POU2F1: variants seen among roughly 807,000 people sequenced by gnomAD.
POU2F1 encodes the protein POU class 2 homeobox 1, also known as POU domain, class 2, transcription factor 1.
In POU2F1, 16 loss-of-function variants were observed where a neutral mutation model predicts 84.9. The observed-to-expected ratio is 0.19, with a 90% CI of 0.13 to 0.29. The LOEUF (loss-of-function observed/expected upper bound fraction) is 0.29, where lower values mean the gene tolerates loss of function less well. POU2F1 is among the 10% of genes least tolerant of loss of function. POU2F1 has a pLI of 1.00. For missense variants in POU2F1, 738 were observed against 942.6 expected (o/e 0.78, Z 2.84); for synonymous variants, 368 against 368.3 (o/e 1.00, Z 0.01).
chr1:167,325,229 G>A (rs1656614807), intron 1 of POU2F1, among the ~76,000 whole-genome samples: 3 of 152,180 alleles, frequency 2.0e-5, no homozygotes, highest in Admixed American at 2.0e-4. Context: ...AGAGATGAAG[G>A]TTGGAAAGGA....
At chr1:167,305,409 A>G (rs1654996610) in intron 1 of POU2F1, among the ~76,000 whole-genome samples, 1 of 152,152 alleles carries the variant, frequency 6.6e-6, no homozygotes, top group Non-Finnish European at 1.5e-5. Flanking sequence ...CACGTTGCCC[A>G]GGCTGGTCTT....
chr1:167,292,384 A>G (rs1358160344), intron 1 of POU2F1, among the ~76,000 whole-genome samples: 1 of 151,982 alleles, frequency 6.6e-6, no homozygotes, highest in Non-Finnish European at 1.5e-5. Context: ...TAGTTGTTGA[A>G]CACCAGGTTT....
intron 1 of POU2F1, among the ~76,000 whole-genome samples, chr1:167,327,277 A>G (rs982020265): frequency 1.3e-5 from 2 of 152,194 alleles, no homozygotes; most frequent in Admixed American, 1.3e-4. Flanking sequence ...TTTATCTCAC[A>G]ATAACCTCAT....
intron 1 of POU2F1, among the ~76,000 whole-genome samples, chr1:167,237,886 T>C (rs1255735486): frequency 6.7e-6 from 1 of 149,754 alleles, no homozygotes; most frequent in Non-Finnish European, 1.5e-5. Context: ...TTCAAGCGAT[T>C]CTCCTGCTTC....
chr1:167,282,338 G>T (rs1308631892), intron 1 of POU2F1, among the ~76,000 whole-genome samples: 2 of 151,788 alleles, frequency 1.3e-5, no homozygotes, highest in Admixed American at 1.3e-4. Flanking sequence ...TAGAGATGGG[G>T]TTTCACCGTG....
intron 2 of POU2F1, among the ~76,000 whole-genome samples, chr1:167,351,976 C>T (rs778035942): frequency 6.6e-6 from 1 of 152,050 alleles, no homozygotes; most frequent in African/African-American, 2.4e-5. Context: ...GTCCTCCCAC[C>T]GCAAAAATAG....
At chr1:167,234,865 A>G (rs1218823648) in intron 1 of POU2F1, among the ~76,000 whole-genome samples, 1 of 152,252 alleles carries the variant, frequency 6.6e-6, no homozygotes, top group East Asian at 1.9e-4. Context: ...CCCTGTTTAC[A>G]TGTTATTTTG....
Position 167,295,670 on chromosome 1 carries a change from C to T in POU2F1, c.62-36800C>T, listed in dbSNP as rs149193322. Among the ~76,000 whole-genome samples, 223 of 152,186 alleles carry T rather than the reference C, an allele frequency of 1.5e-3. 1 individual carries two copies. The highest frequency in any genetic ancestry group is 5.2e-3 in the African/African-American group (216 of 41,522). The stretch of plus-strand genomic sequence containing the variant: ...TTGAAATTTTAAAAGACATTTTAGC[C>T]GTTATTTTTGTGGAGCCATGAACAT... On this transcript the variant is annotated intron_variant, in intron 1 of 15. Coordinates refer to ENST00000367866, the MANE Select transcript of POU2F1 (RefSeq NM_002697.4).
chr1:167,299,055 C>G (rs780627397), intron 1 of POU2F1, among the ~76,000 whole-genome samples: 2 of 149,870 alleles, frequency 1.3e-5, no homozygotes, highest in African/African-American at 4.9e-5. Flanking sequence ...CCCAGCTTCT[C>G]GGGAAGCTGA....
intron 1 of POU2F1, among the ~76,000 whole-genome samples, chr1:167,225,388 T>C (rs1648553785): frequency 6.6e-6 from 1 of 152,138 alleles, no homozygotes; most frequent in Non-Finnish European, 1.5e-5. Flanking sequence ...TGAATTCAGG[T>C]GTAGTGTTCT....
rs144396802 is a variant in POU2F1, at chr1:167,242,440, C to T, written c.61+21482C>T. ...GCTATAAAAGCTGGTACTTGAAAAA[C>T]ATGGTGTAAGAAACCCAAATCACAG... is the stretch of plus-strand genomic sequence containing the variant. On this transcript the variant is annotated intron_variant, in intron 1 of 15. Transcript: ENST00000367866. Among the ~76,000 whole-genome samples, 9 of 152,302 alleles carry T rather than the reference C, an allele frequency of 5.9e-5. No homozygotes were observed. The East Asian group carries it at 1.3e-3, about 23-fold the overall frequency.
chr1:167,235,280 C>T (rs535779911), intron 1 of POU2F1, among the ~76,000 whole-genome samples: 5 of 152,258 alleles, frequency 3.3e-5, no homozygotes, highest in Non-Finnish European at 5.9e-5. Context: ...ATGCTCTGGC[C>T]AAGGAGAGTG....
At chr1:167,299,961 G>A (rs757865046) in intron 1 of POU2F1, among the ~76,000 whole-genome samples, 2 of 152,130 alleles carry the variant, frequency 1.3e-5, no homozygotes, top group Non-Finnish European at 2.9e-5. Context: ...TCCGGGTACT[G>A]CCCTTTAAGA....
At chr1:167,223,499 T>A (rs1648392336) in intron 1 of POU2F1, among the ~76,000 whole-genome samples, 1 of 152,136 alleles carries the variant, frequency 6.6e-6, no homozygotes, top group African/African-American at 2.4e-5. Flanking sequence ...CGCTGCGTAG[T>A]CGAGGGAAGT....
intron 1 of POU2F1, among the ~76,000 whole-genome samples, chr1:167,264,537 A>G (rs1289929504): frequency 6.6e-6 from 1 of 152,194 alleles, no homozygotes; most frequent in Admixed American, 6.5e-5. Flanking sequence ...GAAAATGGCA[A>G]TTGAAGGGCT....
chr1:167,245,703 A>G (rs754793452), intron 1 of POU2F1, among the ~76,000 whole-genome samples: 1 of 151,884 alleles, frequency 6.6e-6, no homozygotes, highest in African/African-American at 2.4e-5. Context: ...ATGAGCCACC[A>G]CACCTGGCCC....
chr1:167,253,187 A>G (rs566004837), intron 1 of POU2F1, among the ~76,000 whole-genome samples: 1 of 152,338 alleles, frequency 6.6e-6, no homozygotes, highest in Admixed American at 6.5e-5. Context: ...TTTCACTTCA[A>G]AGAAAAGCCT....
At chr1:167,415,454 G>T in intron 15 of POU2F1, 46 bp from the exon 16 acceptor site, 2 of 1,577,030 alleles carry the variant, frequency 1.3e-6, no homozygotes, top group Non-Finnish European at 1.7e-6. Flanking sequence ...CCAGGATGAT[G>T]TTAATGTTTT....
intron 1 of POU2F1, among the ~76,000 whole-genome samples, chr1:167,270,851 C>T (rs1048764535): frequency 5.9e-5 from 9 of 152,194 alleles, no homozygotes; most frequent in Non-Finnish European, 1.3e-4. Context: ...TCCTGCCCAG[C>T]ACATTTCTGC....
Sources: allele counts gnomAD v4.1 joint callset (sites outside exome capture counted in the v4.1 genomes callset), GRCh38; gene constraint gnomAD v4.1.1; transcripts MANE v1.5; gene names NCBI Gene and HGNC (gene_info 2026-07-23, HGNC 2026-07-21).